Variants in AFG2A observed in about 807,000 individuals in gnomAD.
The protein encoded by AFG2A is AAA ATPase AFG2A, also known as ATPase family gene 2 protein homolog A.
the AFG2A span, among the ~76,000 whole-genome samples, chr4:123,280,010 A>G: frequency 3.0e-4 from 46 of 152,358 alleles, no homozygotes; most frequent in South Asian, 7.0e-3. Context: ...ATAGAGCCAT[A>G]CATATTGCAG....
At chr4:123,016,338 G>T in the AFG2A span, among the ~76,000 whole-genome samples, 1 of 150,564 alleles carries the variant, frequency 6.6e-6, no homozygotes, top group Non-Finnish European at 1.5e-5. Flanking sequence ...GGTGGCTGCC[G>T]GGTGGAGGGG....
At chr4:123,271,935 T>A in the AFG2A span, among the ~76,000 whole-genome samples, 7 of 152,150 alleles carry the variant, frequency 4.6e-5, no homozygotes, top group African/African-American at 1.7e-4. Context: ...ATGAGTAAGA[T>A]TTACTTACGC....
At chr4:123,169,763 G>T in the AFG2A span, among the ~76,000 whole-genome samples, 249 of 152,280 alleles carry the variant, frequency 1.6e-3, 1 homozygote, top group Middle Eastern at 0.014. Flanking sequence ...TTACAGTTGT[G>T]AGCCACCGCG....
At chr4:123,021,173 A>ACTT in the AFG2A span, among the ~76,000 whole-genome samples, 2 of 151,556 alleles carry the variant, frequency 1.3e-5, no homozygotes, top group Non-Finnish European at 2.9e-5. Context: ...TATATTCCAT[A>ACTT]CTTGTAACGG....
At chr4:123,203,040 T>C in the AFG2A span, among the ~76,000 whole-genome samples, 1 of 151,982 alleles carries the variant, frequency 6.6e-6, no homozygotes, top group Non-Finnish European at 1.5e-5. Context: ...AATACATAAA[T>C]CAAAATGTCA....
the AFG2A span, among the ~76,000 whole-genome samples, chr4:123,033,210 G>T: frequency 6.6e-6 from 1 of 152,152 alleles, no homozygotes. Context: ...TAAGGATAAT[G>T]ATTTTAAGAA....
the AFG2A span, among the ~76,000 whole-genome samples, chr4:123,060,392 T>C: frequency 3.3e-5 from 5 of 152,374 alleles, no homozygotes; most frequent in East Asian, 9.6e-4. Flanking sequence ...AGCACACCTC[T>C]GCCTGAACAT....
At chr4:123,310,095 A>G in the AFG2A span, among the ~76,000 whole-genome samples, 2 of 152,372 alleles carry the variant, frequency 1.3e-5, no homozygotes, top group South Asian at 2.1e-4. Context: ...GGTAGGAGAA[A>G]AGAACCAATA....
the AFG2A span, among the ~76,000 whole-genome samples, chr4:122,943,570 G>C: frequency 6.6e-6 from 1 of 152,096 alleles, no homozygotes; most frequent in Admixed American, 6.6e-5. Context: ...GCACACTGAT[G>C]GGTCTTGACT....
At chr4:123,025,881 A>T in the AFG2A span, among the ~76,000 whole-genome samples, 1 of 152,214 alleles carries the variant, frequency 6.6e-6, no homozygotes, top group African/African-American at 2.4e-5. Context: ...AAAATATTAA[A>T]GCATGTTACT....
chr4:122,946,683 T>C, the AFG2A span, among the ~76,000 whole-genome samples: 3 of 152,144 alleles, frequency 2.0e-5, no homozygotes, highest in Non-Finnish European at 2.9e-5. Flanking sequence ...TATATTCAAA[T>C]GTGGCTGATA....
the AFG2A span, among the ~76,000 whole-genome samples, chr4:123,220,662 A>G: frequency 2.0e-5 from 3 of 151,596 alleles, no homozygotes; most frequent in Admixed American, 2.0e-4. Context: ...TAAATTTAGC[A>G]TATAACTTAA....
At chr4:123,023,132 A>G in the AFG2A span, among the ~76,000 whole-genome samples, 228 of 151,830 alleles carry the variant, frequency 1.5e-3, no homozygotes, top group Non-Finnish European at 2.3e-3. Flanking sequence ...ACATGTATAC[A>G]TATGTAACTA....
At chr4:122,960,589 C>T in the AFG2A span, among the ~76,000 whole-genome samples, 1 of 152,300 alleles carries the variant, frequency 6.6e-6, no homozygotes, top group African/African-American at 2.4e-5. Context: ...ATCATTTCAA[C>T]ATGTTCTTAC....
chr4:123,276,391 G>T, the AFG2A span, among the ~76,000 whole-genome samples: 1 of 151,912 alleles, frequency 6.6e-6, no homozygotes, highest in Non-Finnish European at 1.5e-5. Context: ...TATCTTTTGT[G>T]GGATGCATAG....
At chr4:122,939,437 T>A in the AFG2A span, among the ~76,000 whole-genome samples, 4 of 152,174 alleles carry the variant, frequency 2.6e-5, no homozygotes, top group Non-Finnish European at 4.4e-5. Flanking sequence ...GGAACATTCA[T>A]AGGACTAATA....
the AFG2A span, among the ~76,000 whole-genome samples, chr4:123,235,252 G>T: frequency 6.6e-6 from 1 of 152,054 alleles, no homozygotes; most frequent in Non-Finnish European, 1.5e-5. Context: ...ACTATTTTAT[G>T]TACCATTCTT....
chr4:123,139,322 T>C, the AFG2A span, among the ~76,000 whole-genome samples: 1 of 152,118 alleles, frequency 6.6e-6, no homozygotes, highest in African/African-American at 2.4e-5. Context: ...AGTAGGGAAA[T>C]AATTCTACAG....
the AFG2A span, among the ~76,000 whole-genome samples, chr4:123,242,346 C>G: frequency 1.3e-5 from 2 of 152,154 alleles, no homozygotes; most frequent in African/African-American, 4.8e-5. Context: ...ATCACACTAC[C>G]TGACTTCAAA....
Sources: allele counts gnomAD v4.1 joint callset (sites outside exome capture counted in the v4.1 genomes callset), GRCh38; gene constraint gnomAD v4.1.1; transcripts MANE v1.5; gene names NCBI Gene and HGNC (gene_info 2026-07-23, HGNC 2026-07-21).